Variants in TP53RK observed in about 807,000 individuals in gnomAD.
TP53RK encodes the protein TP53 regulating kinase, also known as EKC/KEOPS complex subunit TP53RK.
TP53RK carries 17 observed loss-of-function variants against 14.9 expected under a neutral mutation model. The observed-to-expected ratio is 1.14, with a 90% CI of 0.78 to 1.71. TP53RK has a LOEUF of 1.71. Among genes scored for constraint, TP53RK ranks in the 40% most tolerant of loss-of-function variants. TP53RK has a pLI of 0.00. For synonymous variants in TP53RK, 131 were observed against 138.0 expected (o/e 0.95, Z 0.36); for missense variants, 343 against 332.0 (o/e 1.03, Z -0.26).
Position 46,686,328 on chromosome 20 carries a change from C to A in TP53RK, c.*425G>T. On this transcript the variant is annotated 3_prime_UTR_variant, in exon 2 of 2. Transcript: ENST00000372114. Reference sequence around the variant, plus strand: ...CATTTTTTAAAATGCTGGTTGTATCCCATTAAACTGGTTTCAAAATAAATA... The same window carrying A: ...CATTTTTTAAAATGCTGGTTGTATCACATTAAACTGGTTTCAAAATAAATA... 1 of 167,430 alleles carries A rather than the reference C, an allele frequency of 6.0e-6. No homozygotes were observed. 10.4% of individuals were successfully genotyped at this position (167,430 alleles called of 1,614,324 possible).
chr20:46,688,985 G>A (rs187790786), intron 1 of TP53RK, 147 bp downstream of exon 1: 35 of 930,130 alleles, frequency 3.8e-5, no homozygotes, highest in Non-Finnish European at 5.0e-5. Flanking sequence ...AGGGATGAAA[G>A]AATAACATTT....
At position 46,684,946 on chromosome 20, in the gene TP53RK, T is replaced by C. The variant is rs1340718517; in HGVS notation, c.*1807A>G. ...ACACAGATTTGGAGCCAGGTAAAAG[T>C]ACCTCTTGCTACCTGTGACGTCTTG... On this transcript the variant is annotated 3_prime_UTR_variant, in exon 2 of 2. Coordinates refer to ENST00000372114, the MANE Select transcript of TP53RK (RefSeq NM_033550.4). 2 of 152,232 alleles carry C rather than the reference T, an allele frequency of 1.3e-5. No individual in the cohort carries two copies. Among genetic ancestry groups the C allele is most frequent in the Non-Finnish European group, 2.9e-5 (2 of 68,036 alleles). The allele number at this position is 152,232 out of a possible 1,614,324, so 9.4% of individuals were successfully genotyped here. A position where few individuals can be genotyped will look rare whatever the true frequency, so the allele number is the denominator to read the frequency against.
At position 46,684,563 on chromosome 20, in the gene TP53RK, G is replaced by C. The variant is rs2063171818; in HGVS notation, c.*2190C>G. ...CACTCGCTATCACGAGAACAGCACGGAGGTAGCCGCCCCGAGGATTAAATT... is the reference window on the plus strand; with the variant it reads ...CACTCGCTATCACGAGAACAGCACGCAGGTAGCCGCCCCGAGGATTAAATT... On this transcript the variant is annotated 3_prime_UTR_variant, in exon 2 of 2. Transcript: ENST00000372114. 6.6e-6 allele frequency: 1 copy of C among 152,168 alleles called. No homozygotes were observed. The highest frequency in any genetic ancestry group is 1.5e-5 in the Non-Finnish European group (1 of 68,036). 9.4% of individuals were successfully genotyped at this position (152,168 alleles called of 1,614,324 possible). A position where few individuals can be genotyped will look rare whatever the true frequency, so the allele number is the denominator to read the frequency against.
At position 46,684,854 on chromosome 20, in the gene TP53RK, A is replaced by T. The variant is rs559998927; in HGVS notation, c.*1899T>A. 1 of 152,302 alleles carries T rather than the reference A, an allele frequency of 6.6e-6. No homozygotes were observed. 9.4% of individuals were successfully genotyped at this position (152,302 alleles called of 1,614,324 possible). A position where few individuals can be genotyped will look rare whatever the true frequency, so the allele number is the denominator to read the frequency against. The stretch of plus-strand genomic sequence containing the variant: ...TGGAGTTCCTTGAAAATAATGTTAT[A>T]CGCCAATACTTATTATAGTACTGTA... On this transcript the variant is annotated 3_prime_UTR_variant, in exon 2 of 2. Coordinates refer to ENST00000372114, the MANE Select transcript of TP53RK (RefSeq NM_033550.4).
In TP53RK at chr20:46,686,676, A is replaced by C. The variant is rs1041358044; in HGVS notation, c.*77T>G. ...ATCTTAACACCTTTACTTAGATCTCATCTCATACTTGTAGCATTTCTTCAA... is the reference window on the plus strand; with the variant it reads ...ATCTTAACACCTTTACTTAGATCTCCTCTCATACTTGTAGCATTTCTTCAA... On this transcript the variant is annotated 3_prime_UTR_variant, in exon 2 of 2. Transcript: ENST00000372114. 3.3e-6 allele frequency: 4 copies of C among 1,208,062 alleles called. No individual in the cohort carries two copies. Among genetic ancestry groups the C allele is most frequent in the East Asian group, 4.7e-5 (2 of 42,888 alleles). The allele number at this position is 1,208,062 out of a possible 1,614,324, so 74.8% of individuals were successfully genotyped here.
At position 46,685,825 on chromosome 20, in the gene TP53RK, G is replaced by A. The variant is rs1600643091; in HGVS notation, c.*928C>T. On this transcript the variant is annotated 3_prime_UTR_variant, in exon 2 of 2. Coordinates refer to ENST00000372114, the MANE Select transcript of TP53RK (RefSeq NM_033550.4). ...TCTCTTCCCTTCCCACCCAAACATA[G>A]CTTCTTCTAAGAAAAGAAACTGAGG... is the stretch of plus-strand genomic sequence containing the variant. 1.3e-5 allele frequency: 2 copies of A among 152,160 alleles called. No homozygotes were observed. The highest frequency in any genetic ancestry group is 6.5e-5 in the Admixed American group (1 of 15,278). The allele number at this position is 152,160 out of a possible 1,614,324, so 9.4% of individuals were successfully genotyped here. A position where few individuals can be genotyped will look rare whatever the true frequency, so the allele number is the denominator to read the frequency against.
chr20:46,689,222 T>A lies in TP53RK; in HGVS notation c.193A>T (p.Lys65Ter). Residue 65 changes from lysine (K) to a stop codon, truncating the protein, a stop_gained, in exon 1 of 2, where the codon AAG (lysine) becomes TAG (stop). Transcript: ENST00000372114. LOFTEE classifies it high-confidence loss of function. ...RAAVIKHRFP[K>*]GYRHPALEAR... ...TCCAGCGCCGGGTGCCGGTAGCCCTTGGGGAAGCGGTGCTTGATCACCGCC... is the reference window on the plus strand; with the variant it reads ...TCCAGCGCCGGGTGCCGGTAGCCCTAGGGGAAGCGGTGCTTGATCACCGCC... 1.3e-6 allele frequency: 2 copies of A among 1,528,938 alleles called. No homozygotes were observed. The highest frequency in any genetic ancestry group is 1.7e-6 in the Non-Finnish European group (2 of 1,144,744). The allele number at this position is 1,528,938 out of a possible 1,614,324, so 94.7% of individuals were successfully genotyped here.
chr20:46,686,767 A>G lies in TP53RK; in HGVS notation c.748T>C (p.Ser250Pro), dbSNP rs1211399912. The change falls in exon 2 of 2, where the codon TCC becomes CCC. Residue 250 changes from serine (S) to proline (P), a missense_variant. Coordinates refer to ENST00000372114, the MANE Select transcript of TP53RK (RefSeq NM_033550.4). ...DEVRLRGRKR[S>P]MVG ...TACACATTCTTCTACCCAACCATGG[A>G]CCTCTTTCTTCCTCTCAGGCGCACT... The G allele has an allele frequency of 6.2e-7, 1 of 1,613,418 alleles. No homozygotes were observed. The highest frequency in any genetic ancestry group is 8.5e-7 in the Non-Finnish European group (1 of 1,179,574).
Position 46,689,127 on chromosome 20 carries a change from C to T in TP53RK, c.283+5G>A, listed in dbSNP as rs558942991. The T allele has an allele frequency of 1.4e-6, 2 of 1,384,720 alleles. No homozygotes were observed. The highest frequency in any genetic ancestry group is 1.6e-5 in the South Asian group (1 of 60,886). The allele number at this position is 1,384,720 out of a possible 1,614,324, so 85.8% of individuals were successfully genotyped here. A position where few individuals can be genotyped will look rare whatever the true frequency, so the allele number is the denominator to read the frequency against. ...CGCCCACGCCGGGATCCCGGCCCAC[C>T]TTACCAGCGCGGCGACAGCGGAGGA... On this transcript the variant is annotated splice_donor_5th_base_variant and intron_variant, in intron 1 of 1. Transcript: ENST00000372114.
At chr20:46,688,736 A>T (rs1352826867) in intron 1 of TP53RK, among the ~76,000 whole-genome samples, 1 of 152,246 alleles carries the variant, frequency 6.6e-6, no homozygotes, top group Non-Finnish European at 1.5e-5. Flanking sequence ...CAACCCAGGG[A>T]GCCTGGCTCC....
In TP53RK at chr20:46,689,279, G is replaced by C. The variant is rs531398951; in HGVS notation, c.136C>G (p.Arg46Gly). The C allele has an allele frequency of 6.5e-7, 1 of 1,540,260 alleles. No homozygotes were observed. The highest frequency in any genetic ancestry group is 1.2e-5 in the South Asian group (1 of 84,752). Residue 46 changes from arginine to glycine, a missense_variant, in exon 1 of 2, where the codon CGC (arginine) becomes GGC (glycine). Transcript: ENST00000372114. ...CCCTGGAAGCGGCCACGGAACACGC[G>C]CGCCTCGGCACCCTGCTTCACCAGC... ...LELVKQGAEA[R>G]VFRGRFQGRA... is the part of the protein sequence containing the mutation.
intron 1 of TP53RK, 113 bp from the exon 2 acceptor site, chr20:46,687,344 AGG>A (rs1416318622): frequency 1.1e-6 from 1 of 923,338 alleles, no homozygotes; most frequent in Non-Finnish European, 1.6e-6. Context: ...AGGACTATTG[AGG>A]AATGCTACAG....
chr20:46,689,369 C>A lies in TP53RK; in HGVS notation c.46G>T (p.Ala16Ser). ...GCGGCCAGAGCCTCAGCCTCCGGGG[C>A]GGGCTCCTCGCCATCGGCCGGCGTA... ...ATTPADGEEP[A>S]PEAEALAAAR... is the part of the protein sequence containing the mutation. The change falls in exon 1 of 2, where the codon GCC becomes TCC. Residue 16 changes from alanine to serine, a missense_variant. Physicochemically the swap from Ala to Ser is moderately conservative, Grantham distance 99 (BLOSUM62 1). Transcript: ENST00000372114. 1.9e-6 allele frequency: 3 copies of A among 1,576,744 alleles called. No individual in the cohort carries two copies. Among genetic ancestry groups the A allele is most frequent in the Non-Finnish European group, 2.6e-6 (3 of 1,171,390 alleles).
rs1308471413 is a variant in TP53RK, at chr20:46,686,720, G to A, written c.*33C>T. 6.5e-7 allele frequency: 1 copy of A among 1,528,974 alleles called. No homozygotes were observed. The highest frequency in any genetic ancestry group is 1.8e-5 in the Admixed American group (1 of 56,386). The allele number at this position is 1,528,974 out of a possible 1,614,324, so 94.7% of individuals were successfully genotyped here. The stretch of plus-strand genomic sequence containing the variant: ...TCTTCAAATTTACTTTGAAAAAAGA[G>A]CTTCACTGTGTGTGGTTGTCATACA... On this transcript the variant is annotated 3_prime_UTR_variant, in exon 2 of 2. Coordinates refer to ENST00000372114, the MANE Select transcript of TP53RK (RefSeq NM_033550.4).
intron 1 of TP53RK, among the ~76,000 whole-genome samples, chr20:46,688,107 G>T (rs2063189234): frequency 6.6e-6 from 1 of 152,182 alleles, no homozygotes; most frequent in African/African-American, 2.4e-5. Flanking sequence ...TATCAATGGG[G>T]ATACAGCAAT....
In TP53RK at chr20:46,687,079, T is replaced by C; in HGVS notation, c.436A>G (p.Ile146Val). The change falls in exon 2 of 2, where the codon ATT becomes GTT. Residue 146 changes from isoleucine to valine, a missense_variant. By Grantham distance (29) the Ile-to-Val change is conservative (BLOSUM62 3). Coordinates refer to ENST00000372114, the MANE Select transcript of TP53RK (RefSeq NM_033550.4). Reference protein sequence around the residue: ...PQGLSNLAKTIGQVLARMHDE... With the variant: ...PQGLSNLAKTVGQVLARMHDE... ...TGCATTCGAGCCAAAACCTGCCCAATTGTCTTGGCTAAGTTGGAGAGACCC... is the reference window on the plus strand; with the variant it reads ...TGCATTCGAGCCAAAACCTGCCCAACTGTCTTGGCTAAGTTGGAGAGACCC... 1.2e-6 allele frequency: 2 copies of C among 1,614,188 alleles called. No homozygotes were observed. The highest frequency in any genetic ancestry group is 1.7e-6 in the Non-Finnish European group (2 of 1,180,038).
At position 46,689,207 on chromosome 20, in the gene TP53RK, G is replaced by A. The variant is rs1463821756; in HGVS notation, c.208C>T (p.Pro70Ser). ...CTGCCAAGCCGCGCCTCCAGCGCCG[G>A]GTGCCGGTAGCCCTTGGGGAAGCGG... ...KHRFPKGYRH[P>S]ALEARLGRRR... The change falls in exon 1 of 2, where the codon CCG becomes TCG. Residue 70 changes from proline (P) to serine (S), a missense_variant. By Grantham distance (74) the Pro-to-Ser change is moderately conservative (BLOSUM62 -1). Transcript: ENST00000372114. 1.2e-5 allele frequency: 18 copies of A among 1,524,300 alleles called. No homozygotes were observed. The highest frequency in any genetic ancestry group is 1.6e-5 in the Non-Finnish European group (18 of 1,142,606). The allele number at this position is 1,524,300 out of a possible 1,614,324, so 94.4% of individuals were successfully genotyped here. A position where few individuals can be genotyped will look rare whatever the true frequency, so the allele number is the denominator to read the frequency against.
Position 46,686,529 on chromosome 20 carries a change from G to A in TP53RK, c.*224C>T. On this transcript the variant is annotated 3_prime_UTR_variant, in exon 2 of 2. Transcript: ENST00000372114. ...TCTGAGATATACATGTCACAATCTG[G>A]GAGAAGCCTGTCCTCAATTTACTTT... 1.8e-6 allele frequency: 1 copy of A among 547,756 alleles called. No homozygotes were observed. The highest frequency in any genetic ancestry group is 3.3e-6 in the Non-Finnish European group (1 of 306,918). 33.9% of individuals were successfully genotyped at this position (547,756 alleles called of 1,614,324 possible).
At chr20:46,689,019 G>A in intron 1 of TP53RK, 113 bp downstream of exon 1, 2 of 1,144,318 alleles carry the variant, frequency 1.7e-6, no homozygotes, top group South Asian at 4.6e-5. Context: ...CACCGCAGAA[G>A]GCACAGAAGG....
Sources: gnomAD v4.1 joint callset for allele counts (sites outside exome capture counted in the v4.1 genomes callset) on GRCh38, gnomAD v4.1.1 for gene constraint, MANE v1.5 for transcripts, NCBI Gene and HGNC (gene_info 2026-07-23, HGNC 2026-07-21) for gene names.